The following SNX25 variants were observed in gnomAD, a reference collection of about 807,000 sequenced individuals.
The protein encoded by SNX25 is sorting nexin-25.
A neutral mutation model predicts 113.7 loss-of-function variants in SNX25; 62 were observed. That is an observed-to-expected ratio of 0.55 (90% CI 0.44 to 0.67). The LOEUF is 0.67. Among genes scored for constraint, SNX25 ranks in the 30% least tolerant of loss-of-function variants. SNX25 has a pLI of 0.00. For synonymous variants in SNX25, 421 were observed against 436.2 expected, an observed-to-expected ratio of 0.97 and a Z score of 0.43; for missense variants, 1,014 against 1,161.0, an observed-to-expected ratio of 0.87 and a Z score of 1.84.
chr4:185,291,443 A>G (rs1321985128), intron 6 of SNX25, among the ~76,000 whole-genome samples: 1 of 152,200 alleles, frequency 6.6e-6, no homozygotes, highest in Admixed American at 6.5e-5. Context: ...TACCTCATAT[A>G]AGTAGAATCA....
At chr4:185,240,690 G>A (rs1438529272) in intron 1 of SNX25, among the ~76,000 whole-genome samples, 1 of 151,510 alleles carries the variant, frequency 6.6e-6, no homozygotes, top group Non-Finnish European at 1.5e-5. Context: ...CGGCTGCCGG[G>A]CGGGGGGCTG....
intron 1 of SNX25, among the ~76,000 whole-genome samples, chr4:185,239,782 T>G (rs138669779): frequency 0.023 from 3,465 of 149,346 alleles, 137 homozygotes; most frequent in African/African-American, 0.077. Flanking sequence ...TTCTTTTTTT[T>G]TTTTTTTATT....
intron 4 of SNX25, among the ~76,000 whole-genome samples, chr4:185,265,495 A>G (rs1190917276): frequency 6.6e-6 from 1 of 152,202 alleles, no homozygotes; most frequent in East Asian, 1.9e-4. Flanking sequence ...GACACTTACC[A>G]TGAATGGAGC....
At chr4:185,348,582 AG>A (rs1174422834) in intron 13 of SNX25, among the ~76,000 whole-genome samples, 1 of 152,054 alleles carries the variant, frequency 6.6e-6, no homozygotes, top group African/African-American at 2.4e-5. Flanking sequence ...TCTTTAGTAG[AG>A]ACGGGGTTTC....
At chr4:185,365,625 A>T (rs2095384545), downstream of SNX25, 1 of 150,468 alleles carries the variant, frequency 6.6e-6, no homozygotes, top group South Asian at 2.1e-4. Flanking sequence ...AAGTGCTGGG[A>T]TTACAGACGT....
intron 11 of SNX25, 62 bp from the exon 12 acceptor site, chr4:185,341,914 T>C (rs1043839405): frequency 3.3e-6 from 5 of 1,525,946 alleles, no homozygotes; most frequent in Non-Finnish European, 4.4e-6. Flanking sequence ...CACTTACAGA[T>C]CTTCCTTCTG....
chr4:185,326,699 T>C (rs2095159608), intron 9 of SNX25, among the ~76,000 whole-genome samples: 2 of 152,218 alleles, frequency 1.3e-5, no homozygotes, highest in African/African-American at 4.8e-5. Context: ...TCTTCCTATA[T>C]GATTTTATAC....
Position 185,267,307 on chromosome 4 carries a change from G to A in SNX25, c.1091+152G>A, listed in dbSNP as rs183326029. 332 of 708,218 alleles carry A rather than the reference G, an allele frequency of 4.7e-4. No homozygotes were observed. In the Admixed American group the frequency reaches 5.1e-3, roughly 11 times the overall value. 43.9% of individuals were successfully genotyped at this position (708,218 alleles called of 1,614,324 possible). A position where few individuals can be genotyped will look rare whatever the true frequency, so the allele number is the denominator to read the frequency against. On this transcript the variant is annotated intron_variant, in intron 5 of 18. Transcript: ENST00000652585. ...TTAGTGACAGCTAAATTTATCCAGC[G>A]TCTCCTTAGCAGTGTAATTAGAATG... is the stretch of plus-strand genomic sequence containing the variant.
chr4:185,267,964 A>T (rs1009021694), intron 5 of SNX25, among the ~76,000 whole-genome samples: 1 of 152,206 alleles, frequency 6.6e-6, no homozygotes, highest in Admixed American at 6.5e-5. Flanking sequence ...AAAGGTCTTC[A>T]TCCTCATCTC....
intron 5 of SNX25, among the ~76,000 whole-genome samples, chr4:185,269,028 G>T (rs1156770588): frequency 1.3e-5 from 2 of 152,072 alleles, no homozygotes; most frequent in Non-Finnish European, 2.9e-5. Flanking sequence ...ATTCTTTATA[G>T]ATTTGTTTTT....
At chr4:185,248,031 G>T (rs78591106) in intron 2 of SNX25, among the ~76,000 whole-genome samples, 2,856 of 152,228 alleles carry the variant, frequency 0.019, 56 homozygotes, top group Middle Eastern at 0.068. Context: ...AATATATGAT[G>T]TTAGACGTGA....
At chr4:185,348,444 G>A (rs1426611955) in intron 13 of SNX25, among the ~76,000 whole-genome samples, 1 of 151,736 alleles carries the variant, frequency 6.6e-6, no homozygotes, top group Non-Finnish European at 1.5e-5. Flanking sequence ...CCAGGCTGGA[G>A]TGCAGTGGTG....
intron 13 of SNX25, among the ~76,000 whole-genome samples, chr4:185,347,985 T>C (rs1341544476): frequency 6.6e-6 from 1 of 152,226 alleles, no homozygotes; most frequent in Non-Finnish European, 1.5e-5. Flanking sequence ...TTTTATCTTA[T>C]GGTTAATGCC....
At chr4:185,221,734 C>T (rs1178360584) in intron 1 of SNX25, among the ~76,000 whole-genome samples, 1 of 152,132 alleles carries the variant, frequency 6.6e-6, no homozygotes, top group Non-Finnish European at 1.5e-5. Context: ...TCCTCATGCT[C>T]CACCCTCAGT....
intron 15 of SNX25, among the ~76,000 whole-genome samples, chr4:185,355,131 C>G (rs978007081): frequency 6.6e-6 from 1 of 152,172 alleles, no homozygotes; most frequent in Non-Finnish European, 1.5e-5. Context: ...AATTTGTCTT[C>G]TGTGTCTTAA....
intron 5 of SNX25, among the ~76,000 whole-genome samples, chr4:185,287,439 G>T (rs886879411): frequency 1.3e-5 from 2 of 152,216 alleles, no homozygotes; most frequent in Admixed American, 6.5e-5. Flanking sequence ...AGGGCAGTGG[G>T]GCTGCAGGGG....
At chr4:185,246,046 G>A (rs904255634) in intron 1 of SNX25, among the ~76,000 whole-genome samples, 7 of 152,174 alleles carry the variant, frequency 4.6e-5, no homozygotes, top group Non-Finnish European at 8.8e-5. Flanking sequence ...CAGCACTTTG[G>A]GAGGCCGAGG....
At chr4:185,287,888 A>G (rs1043800070) in intron 5 of SNX25, 124 bp from the exon 6 acceptor site, 5 of 761,554 alleles carry the variant, frequency 6.6e-6, no homozygotes, top group Non-Finnish European at 1.0e-5. Flanking sequence ...TATTTTATGG[A>G]GCCTTGGGCA....
rs557668403 is a variant in SNX25 at position 185,360,783 on chromosome 4, G to A, written c.2652-1141G>A. ...AAATACAAAAAATTAGCTGGGCATG[G>A]TGGCACACGCCTGTAGTCCCAGATA... On this transcript the variant is annotated intron_variant, in intron 16 of 18. Transcript: ENST00000652585. Among the ~76,000 whole-genome samples the A allele has an allele frequency of 2.0e-5, 3 of 152,202 alleles. No homozygotes were observed. In the East Asian group the frequency reaches 5.8e-4, roughly 29 times the overall value.
Sources: gnomAD v4.1 joint callset for allele counts (sites outside exome capture counted in the v4.1 genomes callset) on GRCh38, gnomAD v4.1.1 for gene constraint, MANE v1.5 for transcripts, NCBI Gene and HGNC (gene_info 2026-07-23, HGNC 2026-07-21) for gene names.